The following DBF4 variants were observed in gnomAD, a reference collection of about 807,000 sequenced individuals.
DBF4 encodes DBF4-CDC7 kinase regulatory subunit, also known as protein DBF4 homolog A.
In DBF4, 25 loss-of-function variants were observed where a neutral mutation model predicts 76.6. That is an observed-to-expected ratio of 0.33 (90% CI 0.24 to 0.46). DBF4 has a LOEUF of 0.46. DBF4 is among the 20% of genes least tolerant of loss of function. The pLI is 1.00. For synonymous variants in DBF4, 213 were observed against 258.0 expected (o/e 0.83, Z 1.67); for missense variants, 638 against 760.8 (o/e 0.84, Z 1.90).
chr7:87,887,537 G>A (rs1002480157), intron 5 of DBF4, 139 bp downstream of exon 5: 115 of 1,006,776 alleles, frequency 1.1e-4, no homozygotes, highest in Non-Finnish European at 1.6e-4. Flanking sequence ...CAGAATACCT[G>A]AAACTGGGTA....
At chr7:87,893,959 G>A (rs867266969) in intron 6 of DBF4, among the ~76,000 whole-genome samples, 1 of 152,010 alleles carries the variant, frequency 6.6e-6, no homozygotes, top group Admixed American at 6.5e-5. Context: ...TTATTTTAGT[G>A]GTTGCTATAG....
intron 6 of DBF4, among the ~76,000 whole-genome samples, chr7:87,890,154 A>G (rs183317468): frequency 7.0e-4 from 107 of 152,318 alleles, no homozygotes; most frequent in Non-Finnish European, 7.3e-5. Context: ...GGATATTAAT[A>G]TTTCTGTGGT....
intron 6 of DBF4, 91 bp from the exon 7 acceptor site, chr7:87,896,383 G>A: frequency 1.0e-6 from 1 of 996,836 alleles, no homozygotes; most frequent in South Asian, 1.5e-5. Context: ...TTTTCTGCAT[G>A]ATTTTTTTAT....
chr7:87,888,014 A>T lies in DBF4; in HGVS notation c.552A>T (p.Lys184Asn). 1 of 1,560,604 alleles carries T rather than the reference A, an allele frequency of 6.4e-7. No individual in the cohort carries two copies. The highest frequency in any genetic ancestry group is 8.7e-7 in the Non-Finnish European group (1 of 1,155,794). ...GATACTACATTGAACAAAAGAAAAA[A>T]GAGTTGTATTTACTCAAGAAATCAA... is the stretch of plus-strand genomic sequence containing the variant. Reference protein sequence around the residue: ...DIRYYIEQKKKELYLLKKSST... With the variant: ...DIRYYIEQKKNELYLLKKSST... Residue 184 changes from lysine (K) to asparagine (N), a missense_variant, in exon 6 of 12, where the codon AAA (lysine) becomes AAT (asparagine). Coordinates refer to ENST00000265728, the MANE Select transcript of DBF4 (RefSeq NM_006716.4).
chr7:87,900,633 G>T, intron 9 of DBF4, 131 bp from the exon 10 acceptor site: 1 of 750,626 alleles, frequency 1.3e-6, no homozygotes, highest in Non-Finnish European at 2.1e-6. Context: ...AAAGAAATAT[G>T]ATTAAAAGTA....
intron 6 of DBF4, among the ~76,000 whole-genome samples, chr7:87,894,117 T>A (rs1170979693): frequency 6.6e-6 from 1 of 152,216 alleles, no homozygotes; most frequent in Non-Finnish European, 1.5e-5. Context: ...CATCTTCTTA[T>A]AATGAAAATG....
intron 11 of DBF4, among the ~76,000 whole-genome samples, 153 bp downstream of exon 11, chr7:87,904,569 A>T (rs1584374338): frequency 6.6e-6 from 1 of 152,034 alleles, no homozygotes; most frequent in Non-Finnish European, 1.5e-5. Context: ...GCAAAACCCC[A>T]TCTCTACTAA....
At chr7:87,878,906 G>C (rs1269011995) in intron 2 of DBF4, among the ~76,000 whole-genome samples, 1 of 152,168 alleles carries the variant, frequency 6.6e-6, no homozygotes, top group Non-Finnish European at 1.5e-5. Flanking sequence ...TGTCTAAACT[G>C]ATCCTTTCAT....
intron 6 of DBF4, among the ~76,000 whole-genome samples, chr7:87,894,785 G>A (rs1839591717): frequency 6.6e-6 from 1 of 151,990 alleles, no homozygotes; most frequent in Non-Finnish European, 1.5e-5. Context: ...TACTCAAATT[G>A]GTATTCATTT....
rs1342633304 is a variant in DBF4 at position 87,876,660 on chromosome 7, G to A, written c.-73G>A. The A allele has an allele frequency of 1.3e-6, 2 of 1,561,526 alleles. No individual in the cohort carries two copies. Among genetic ancestry groups the A allele is most frequent in the Non-Finnish European group, 1.8e-6 (2 of 1,140,802 alleles). On this transcript the variant is annotated 5_prime_UTR_variant, in exon 1 of 12. Coordinates refer to ENST00000265728, the MANE Select transcript of DBF4 (RefSeq NM_006716.4). ...GCGGCCGTCCTGTCAACAGGCCGGG[G>A]GAAGCCGTGCTTTCGCGGCTGCCCG... is the stretch of plus-strand genomic sequence containing the variant.
At chr7:87,877,765 A>G (rs1044042278) in intron 1 of DBF4, among the ~76,000 whole-genome samples, 1 of 152,192 alleles carries the variant, frequency 6.6e-6, no homozygotes, top group African/African-American at 2.4e-5. Flanking sequence ...TTTACATCCT[A>G]AAAAAAGAAA....
intron 6 of DBF4, among the ~76,000 whole-genome samples, chr7:87,893,572 C>T (rs1302086824): frequency 7.2e-5 from 11 of 152,176 alleles, no homozygotes. Context: ...TGAATTGACC[C>T]TTCTAGCCTC....
At position 87,897,347 on chromosome 7, in the gene DBF4, T is replaced by A. The variant is rs745674880; in HGVS notation, c.680+8T>A. On this transcript the variant is annotated splice_region_variant and intron_variant, in intron 8 of 11. Transcript: ENST00000265728. ...GGTGGAAGATATGAGCCAGTAAGTA[T>A]TTAAGTCCAATCTGTATGATTTAAG... 2 of 1,612,086 alleles carry A rather than the reference T, an allele frequency of 1.2e-6. No homozygotes were observed. Among genetic ancestry groups the A allele is most frequent in the Non-Finnish European group, 1.7e-6 (2 of 1,179,284 alleles).
At chr7:87,880,429 A>C (rs560077134) in intron 2 of DBF4, among the ~76,000 whole-genome samples, 1 of 152,262 alleles carries the variant, frequency 6.6e-6, no homozygotes, top group East Asian at 1.9e-4. Context: ...TGGATTTTCA[A>C]TGGAATTTGA....
At chr7:87,891,629 C>T (rs1451984371) in intron 6 of DBF4, among the ~76,000 whole-genome samples, 1 of 152,132 alleles carries the variant, frequency 6.6e-6, no homozygotes, top group Non-Finnish European at 1.5e-5. Flanking sequence ...ATAATGTCCC[C>T]TCTTCCATTC....
chr7:87,894,273 T>G (rs1839570423), intron 6 of DBF4, among the ~76,000 whole-genome samples: 1 of 152,100 alleles, frequency 6.6e-6, no homozygotes, highest in Non-Finnish European at 1.5e-5. Context: ...CTGGGCAACA[T>G]GGTGAAACCC....
At chr7:87,902,618 AG>A (rs1358698524) in intron 10 of DBF4, among the ~76,000 whole-genome samples, 1 of 152,218 alleles carries the variant, frequency 6.6e-6, no homozygotes, top group African/African-American at 2.4e-5. Flanking sequence ...AAGACTTATA[AG>A]GATGAGTAAG....
rs1030048383 is a variant in DBF4, at chr7:87,876,638, G to A, written c.-95G>A. Reference sequence around the variant, plus strand: ...CGTAGCTGGCGGAAGGAGAGAGGCGGCCGTCCTGTCAACAGGCCGGGGGAA... The same window carrying A: ...CGTAGCTGGCGGAAGGAGAGAGGCGACCGTCCTGTCAACAGGCCGGGGGAA... On this transcript the variant is annotated 5_prime_UTR_variant, in exon 1 of 12. Coordinates refer to ENST00000265728, the MANE Select transcript of DBF4 (RefSeq NM_006716.4). The A allele has an allele frequency of 2.2e-6, 3 of 1,377,562 alleles. No individual in the cohort carries two copies. The highest frequency in any genetic ancestry group is 1.8e-5 in the Admixed American group (1 of 54,862). 85.3% of individuals were successfully genotyped at this position (1,377,562 alleles called of 1,614,324 possible). A position where few individuals can be genotyped will look rare whatever the true frequency, so the allele number is the denominator to read the frequency against.
At chr7:87,893,288 G>T (rs1188330992) in intron 6 of DBF4, among the ~76,000 whole-genome samples, 1 of 149,316 alleles carries the variant, frequency 6.7e-6, no homozygotes, top group Non-Finnish European at 1.5e-5. Context: ...GCCCAGGCCG[G>T]ACTGTGGACT....
Sources: gnomAD v4.1 joint callset for allele counts (sites outside exome capture counted in the v4.1 genomes callset) on GRCh38, gnomAD v4.1.1 for gene constraint, MANE v1.5 for transcripts, NCBI Gene and HGNC (gene_info 2026-07-23, HGNC 2026-07-21) for gene names.